The following KDELR1 variants were observed in gnomAD, a reference collection of about 807,000 sequenced individuals.
The protein encoded by KDELR1 is ER lumen protein-retaining receptor 1.
A neutral mutation model predicts 25.5 loss-of-function variants in KDELR1; 16 were observed. That is an observed-to-expected ratio of 0.63 (90% CI 0.43 to 0.95). The LOEUF is 0.95. Among genes scored for constraint, KDELR1 ranks in the 40% least tolerant of loss-of-function variants. The pLI is 0.00. For missense variants in KDELR1, 159 were observed against 265.2 expected (o/e 0.60, Z 2.78); for synonymous variants, 121 against 115.0 (o/e 1.05, Z -0.33).
At chr19:48,386,744 G>A (rs953687450) in intron 3 of KDELR1, among the ~76,000 whole-genome samples, 5 of 152,044 alleles carry the variant, frequency 3.3e-5, no homozygotes, top group East Asian at 3.9e-4. Flanking sequence ...GAGCCACTGC[G>A]CCCAGCCTGA....
chr19:48,389,729 G>A lies in KDELR1; in HGVS notation c.193-18C>T. ...TAGACCACCTGAGGAGGGGGATGAT[G>A]AGAAGGGGCCTCAACTCACAGGCCT... On this transcript the variant is annotated intron_variant, in intron 2 of 4. Coordinates refer to ENST00000330720, the MANE Select transcript of KDELR1 (RefSeq NM_006801.3). 6.2e-7 allele frequency: 1 copy of A among 1,613,442 alleles called. No individual in the cohort carries two copies. Among genetic ancestry groups the A allele is most frequent in the South Asian group, 1.1e-5 (1 of 91,062 alleles).
upstream of KDELR1, among the ~76,000 whole-genome samples, chr19:48,396,192 G>A (rs1261755096): frequency 6.6e-6 from 1 of 152,026 alleles, no homozygotes; most frequent in Admixed American, 6.5e-5. Flanking sequence ...GGGAGCGGGG[G>A]GTTGTCCAGA....
intron 1 of KDELR1, 114 bp downstream of exon 1, chr19:48,391,154 C>T: frequency 1.2e-6 from 1 of 853,292 alleles, no homozygotes; most frequent in South Asian, 1.5e-5. Context: ...CCCCAGCAAG[C>T]AGTGGGGGTG....
rs918629130 is a variant in KDELR1, at chr19:48,384,241, T to C, written c.593A>G (p.Tyr198Cys). ...CACATTCCAGCTACCTTTGGTGATATAGAGGTAGAAGAAATCGCAGTAGAG... is the reference window on the plus strand; with the variant it reads ...CACATTCCAGCTACCTTTGGTGATACAGAGGTAGAAGAAATCGCAGTAGAG... Reference protein sequence around the residue: ...TVLYCDFFYLYITKVLKGKKL... With the variant: ...TVLYCDFFYLCITKVLKGKKL... Residue 198 changes from tyrosine to cysteine, a missense_variant, in exon 4 of 5, where the codon TAT becomes TGT. Coordinates refer to ENST00000330720, the MANE Select transcript of KDELR1 (RefSeq NM_006801.3). This position sits in a 1 kb window ranked among gnomAD's most constrained non-coding sequence, Gnocchi z 4.6. 3.1e-6 allele frequency: 5 copies of C among 1,613,996 alleles called. No homozygotes were observed. The highest frequency in any genetic ancestry group is 3.3e-5 in the Admixed American group (2 of 60,004).
chr19:48,395,467 A>G (rs938827226), upstream of KDELR1, among the ~76,000 whole-genome samples: 1 of 151,776 alleles, frequency 6.6e-6, no homozygotes, highest in African/African-American at 2.4e-5. Context: ...TCCAAGCATC[A>G]GGATTCGGGT....
chr19:48,394,099 G>A (rs538303124), upstream of KDELR1, among the ~76,000 whole-genome samples: 30 of 152,136 alleles, frequency 2.0e-4, no homozygotes, highest in South Asian at 5.2e-3. This position sits in a 1 kb window ranked among gnomAD's most constrained non-coding sequence, Gnocchi z 5.1. Flanking sequence ...GCGTCTGGGC[G>A]TCCCCGGCTG....
intron 1 of KDELR1, 197 bp from the exon 2 acceptor site, chr19:48,390,721 C>A: frequency 1.8e-6 from 1 of 558,388 alleles, no homozygotes; most frequent in South Asian, 2.1e-5. Context: ...CCAGCCCGCC[C>A]CGCCTGAGCA....
Position 48,390,508 on chromosome 19 carries a change from G to T in KDELR1, c.108C>A (p.Ser36Arg). The T allele has an allele frequency of 6.2e-7, 1 of 1,613,354 alleles. No homozygotes were observed. The highest frequency in any genetic ancestry group is 8.5e-7 in the Non-Finnish European group (1 of 1,179,452). The change falls in exon 2 of 5, where the codon AGC becomes AGA. Residue 36 changes from serine to arginine, a missense_variant. By Grantham distance (110) the Ser-to-Arg change is moderately radical. Coordinates refer to ENST00000330720, the MANE Select transcript of KDELR1 (RefSeq NM_006801.3). ...SRSCAGISGK[S>R]QVLFAVVFTA... ...TGAACACCACAGCAAACAGGACCTGGCTCTTCCCTGAAATTCCTGTGGTCC... is the reference window on the plus strand; with the variant it reads ...TGAACACCACAGCAAACAGGACCTGTCTCTTCCCTGAAATTCCTGTGGTCC...
rs1349137613 is a variant in KDELR1 at position 48,391,521 on chromosome 19, T to A, written c.-163A>T. The A allele has an allele frequency of 1.7e-6, 1 of 605,142 alleles. No homozygotes were observed. Among genetic ancestry groups the A allele is most frequent in the East Asian group, 2.9e-5 (1 of 34,854 alleles). 37.5% of individuals were successfully genotyped at this position (605,142 alleles called of 1,614,324 possible). ...GGACTTTGGGAGGGGGAGCAAAGGC[T>A]GGAGCTGGCGGCGGAGCTGGAGCCG... On this transcript the variant is annotated 5_prime_UTR_variant, in exon 1 of 5. Coordinates refer to ENST00000330720, the MANE Select transcript of KDELR1 (RefSeq NM_006801.3).
rs1285739547 is a variant in KDELR1 at position 48,384,112 on chromosome 19, C to T, written c.604+118G>A. On this transcript the variant is annotated intron_variant, in intron 4 of 4. Coordinates refer to ENST00000330720, the MANE Select transcript of KDELR1 (RefSeq NM_006801.3). This position sits in a 1 kb window ranked among gnomAD's most constrained non-coding sequence, Gnocchi z 4.6. ...TGGTAGGCCTGCCACCCCAGAAACC[C>T]GGCGAAGAAATGCTCCCTTCTTTGC... The T allele has an allele frequency of 3.9e-5, 51 of 1,315,316 alleles. No individual in the cohort carries two copies. Among genetic ancestry groups the T allele is most frequent in the Non-Finnish European group, 4.9e-5 (47 of 955,924 alleles). The allele number at this position is 1,315,316 out of a possible 1,614,324, so 81.5% of individuals were successfully genotyped here. A position where few individuals can be genotyped will look rare whatever the true frequency, so the allele number is the denominator to read the frequency against.
At chr19:48,396,784 GCTGT>G in the KDELR1 span, among the ~76,000 whole-genome samples, 2 of 152,040 alleles carry the variant, frequency 1.3e-5, no homozygotes, top group Non-Finnish European at 2.9e-5. Context: ...CCCCGCCCTG[GCTGT>G]CTGTGGGGTG....
At position 48,390,583 on chromosome 19, in the gene KDELR1, GAC is replaced by G. The variant is rs1400137980; in HGVS notation, c.92-61_92-60del. 1.1e-5 allele frequency: 12 copies of G among 1,092,712 alleles called. No individual in the cohort carries two copies. The African/African-American group carries it at 1.3e-4, about 11-fold the overall frequency. 67.7% of individuals were successfully genotyped at this position (1,092,712 alleles called of 1,614,324 possible). A position where few individuals can be genotyped will look rare whatever the true frequency, so the allele number is the denominator to read the frequency against. ...AGAGACAGAGAGAGAGAGAGAGACAGACAGACAGACAGACAGACAGAAGGAGA... is the reference window on the plus strand; with the variant it reads ...AGAGACAGAGAGAGAGAGAGAGACAGAGACAGACAGACAGACAGAAGGAGA... On this transcript the variant is annotated intron_variant, in intron 1 of 4. Coordinates refer to ENST00000330720, the MANE Select transcript of KDELR1 (RefSeq NM_006801.3).
chr19:48,393,384 C>T (rs771050917), upstream of KDELR1, among the ~76,000 whole-genome samples: 24 of 152,104 alleles, frequency 1.6e-4, no homozygotes, highest in Admixed American at 6.5e-4. This position sits in a 1 kb window ranked among gnomAD's most constrained non-coding sequence, Gnocchi z 5.6. Context: ...CAAGGCAGGG[C>T]GGGGGCAGAG....
In KDELR1 at chr19:48,383,292, G is replaced by A; in HGVS notation, c.*1C>T. 4 of 1,552,082 alleles carry A rather than the reference G, an allele frequency of 2.6e-6. No homozygotes were observed. Among genetic ancestry groups the A allele is most frequent in the Non-Finnish European group, 3.5e-6 (4 of 1,147,156 alleles). On this transcript the variant is annotated 3_prime_UTR_variant, in exon 5 of 5. Coordinates refer to ENST00000330720, the MANE Select transcript of KDELR1 (RefSeq NM_006801.3). ...GAGGAGAGAGATGGAGAGGACCGGG[G>A]CTATGCCGGCAAACTCAACTTCTTC...
the KDELR1 span, among the ~76,000 whole-genome samples, chr19:48,396,799 G>A: frequency 6.6e-6 from 1 of 152,024 alleles, no homozygotes; most frequent in African/African-American, 2.4e-5. Flanking sequence ...CTGTGGGGTG[G>A]ACGAGGCCTG....
upstream of KDELR1, among the ~76,000 whole-genome samples, chr19:48,392,441 C>T (rs1243869060): frequency 2.6e-5 from 4 of 151,724 alleles, no homozygotes; most frequent in Non-Finnish European, 5.9e-5. Context: ...GCCCCAGCCC[C>T]TCCTCCCTCA....
upstream of KDELR1, among the ~76,000 whole-genome samples, chr19:48,392,918 C>T (rs754585992): frequency 1.2e-4 from 19 of 152,172 alleles, no homozygotes; most frequent in Non-Finnish European, 8.8e-5. Flanking sequence ...GTGGGACCCC[C>T]GGGGAACAGC....
chr19:48,395,785 G>A (rs1446274011), upstream of KDELR1, among the ~76,000 whole-genome samples: 1 of 152,114 alleles, frequency 6.6e-6, no homozygotes, highest in Non-Finnish European at 1.5e-5. Context: ...AAACCAAAAG[G>A]GGATCCTTAA....
Position 48,382,927 on chromosome 19 carries a change from G to A in KDELR1, c.*366C>T. On this transcript the variant is annotated 3_prime_UTR_variant, in exon 5 of 5. Transcript: ENST00000330720. Reference sequence around the variant, plus strand: ...TGGGGCTGGGGGTGGGATCTGGGAGGGAGCCGAGGGGCCTGGGGAAGGGAA... The same window carrying A: ...TGGGGCTGGGGGTGGGATCTGGGAGAGAGCCGAGGGGCCTGGGGAAGGGAA... 1 of 218,818 alleles carries A rather than the reference G, an allele frequency of 4.6e-6. No homozygotes were observed. The highest frequency in any genetic ancestry group is 9.1e-6 in the Non-Finnish European group (1 of 109,604). The allele number at this position is 218,818 out of a possible 1,614,324, so 13.6% of individuals were successfully genotyped here.
Sources: gnomAD v4.1 joint callset for allele counts (sites outside exome capture counted in the v4.1 genomes callset) on GRCh38, gnomAD v4.1.1 for gene constraint, Gnocchi (gnomAD v3.1) non-coding constraint, MANE v1.5 for transcripts, NCBI Gene and HGNC (gene_info 2026-07-23, HGNC 2026-07-21) for gene names.